The following FHAD1 variants were observed in gnomAD, a reference collection of about 807,000 sequenced individuals.
The protein encoded by FHAD1 is forkhead associated phosphopeptide binding domain 1.
FHAD1 carries 146 observed loss-of-function variants against 191.3 expected under a neutral mutation model. The observed-to-expected ratio is 0.76, with a 90% confidence interval of 0.67 to 0.88. The LOEUF (loss-of-function observed/expected upper bound fraction) is 0.88. FHAD1 is among the 40% of genes least tolerant of loss of function. FHAD1 has a pLI of 0.00. For missense variants in FHAD1, 1,635 were observed against 1,785.8 expected (o/e 0.92, Z 1.52); for synonymous variants, 616 against 672.3 (o/e 0.92, Z 1.29).
intron 16 of FHAD1, among the ~76,000 whole-genome samples, chr1:15,343,493 C>A (rs1168369479): frequency 6.6e-6 from 1 of 152,100 alleles, no homozygotes; most frequent in Non-Finnish European, 1.5e-5. Context: ...CACACACCTG[C>A]CCTCCAGACC....
At chr1:15,257,470 A>C (rs556494400) in intron 2 of FHAD1, among the ~76,000 whole-genome samples, 1 of 152,324 alleles carries the variant, frequency 6.6e-6, no homozygotes, top group South Asian at 2.1e-4. Context: ...CCACCAAAAG[A>C]AGCAGGCCTG....
intron 20 of FHAD1, among the ~76,000 whole-genome samples, chr1:15,354,170 C>T (rs578151655): frequency 2.6e-5 from 4 of 152,254 alleles, no homozygotes; most frequent in African/African-American, 9.6e-5. Flanking sequence ...CATTAGCATG[C>T]ATTTGAATCT....
intron 14 of FHAD1, among the ~76,000 whole-genome samples, chr1:15,335,770 A>C (rs1449250811): frequency 6.6e-6 from 1 of 152,166 alleles, no homozygotes; most frequent in Non-Finnish European, 1.5e-5. Context: ...TCCTTCCCCC[A>C]AAGAGCAAAA....
chr1:15,382,298 G>T, intron 31 of FHAD1, 105 bp downstream of exon 31: 1 of 1,185,928 alleles, frequency 8.4e-7, no homozygotes, highest in South Asian at 1.6e-5. Context: ...CAGAACACAG[G>T]GATGGATGCA....
chr1:15,323,514 G>A (rs1677077323), intron 10 of FHAD1, among the ~76,000 whole-genome samples: 1 of 152,184 alleles, frequency 6.6e-6, no homozygotes, highest in Non-Finnish European at 1.5e-5. Context: ...AAGCTTTACA[G>A]GTTGCTCTGG....
Position 15,247,348 on chromosome 1 carries a change from G to A in FHAD1, c.-62G>A. The A allele has an allele frequency of 4.2e-6, 1 of 236,440 alleles. No individual in the cohort carries two copies. 14.6% of individuals were successfully genotyped at this position (236,440 alleles called of 1,614,324 possible). On this transcript the variant is annotated 5_prime_UTR_variant, in exon 1 of 34. It introduces an in-frame stop codon into an upstream open reading frame of the 5' UTR. Coordinates refer to ENST00000688493, the MANE Select transcript of FHAD1 (RefSeq NM_001391957.1). ...AGCTGGCCCGACGCCTCCCGAGCTG[G>A]CAGGGCTCTCGGCGGAGGTCGGAGC...
chr1:15,305,534 A>G lies in FHAD1; in HGVS notation c.916-3079A>G, dbSNP rs145766246. Among the ~76,000 whole-genome samples, 83 of 152,316 alleles carry G rather than the reference A, an allele frequency of 5.4e-4. No individual in the cohort carries two copies. The East Asian group carries it at 0.015, about 28-fold the overall frequency. ...TCTGAGTCTTGATTTCCTCACTTGC[A>G]AAATGGGAGCTGATGTGGTTTGACT... On this transcript the variant is annotated intron_variant, in intron 6 of 33. Transcript: ENST00000688493.
At chr1:15,317,082 T>C (rs1033310712) in intron 9 of FHAD1, among the ~76,000 whole-genome samples, 3 of 152,106 alleles carry the variant, frequency 2.0e-5, no homozygotes, top group African/African-American at 7.2e-5. Context: ...AGTTGCTTGC[T>C]TGGGAGGCTG....
chr1:15,294,437 A>G (rs1666226516), intron 4 of FHAD1, among the ~76,000 whole-genome samples: 1 of 152,118 alleles, frequency 6.6e-6, no homozygotes, highest in Non-Finnish European at 1.5e-5. Flanking sequence ...TCTGTAACCC[A>G]GGCTGGAGTG....
At chr1:15,302,035 G>A (rs1231188001) in intron 6 of FHAD1, among the ~76,000 whole-genome samples, 1 of 152,090 alleles carries the variant, frequency 6.6e-6, no homozygotes, top group Non-Finnish European at 1.5e-5. Flanking sequence ...AAAGAAAAAA[G>A]TCTAAGACAG....
Position 15,339,527 on chromosome 1 carries a change from T to C in FHAD1, c.1953T>C (p.Leu651=). 1 of 1,288,768 alleles carries C rather than the reference T, an allele frequency of 7.8e-7. No homozygotes were observed. Among genetic ancestry groups the C allele is most frequent in the Non-Finnish European group, 1.0e-6 (1 of 979,954 alleles). 79.8% of individuals were successfully genotyped at this position (1,288,768 alleles called of 1,614,324 possible). ...ATCTTCTGGAACATTATAAAAAACT[T>C]ATGAGCCAGGCCCAGGAACTTCAGG... ...LIYLLEHYKK[L]MSQAQELQIK... is the part of the protein sequence containing the mutation. The change falls in exon 15 of 34, where the codon CTT becomes CTC. Residue 651 remains leucine, a synonymous_variant. Transcript: ENST00000688493.
At chr1:15,309,080 G>C (rs530882784) in intron 7 of FHAD1, among the ~76,000 whole-genome samples, 1 of 152,346 alleles carries the variant, frequency 6.6e-6, no homozygotes, top group South Asian at 2.1e-4. Flanking sequence ...CCAGTTTGCT[G>C]TGAATGCAAA....
At chr1:15,364,883 C>T (rs1455824005) in intron 23 of FHAD1, among the ~76,000 whole-genome samples, 1 of 152,190 alleles carries the variant, frequency 6.6e-6, no homozygotes, top group Non-Finnish European at 1.5e-5. Context: ...CCCTTCACCT[C>T]TCCACTGGGC....
At position 15,302,959 on chromosome 1, in the gene FHAD1, G is replaced by A. The variant is rs114688122; in HGVS notation, c.915+1518G>A. On this transcript the variant is annotated intron_variant, in intron 6 of 33. Coordinates refer to ENST00000688493, the MANE Select transcript of FHAD1 (RefSeq NM_001391957.1). ...ATGGTGAACCTCGAAGAGTCTTTCCGGGACTATAAACTCCACAAGGGCAAG... is the reference window on the plus strand; with the variant it reads ...ATGGTGAACCTCGAAGAGTCTTTCCAGGACTATAAACTCCACAAGGGCAAG... 2.2e-3 allele frequency among the ~76,000 whole-genome samples: 328 copies of A among 152,304 alleles called. 1 individual carries two copies. The highest frequency in any genetic ancestry group is 7.2e-3 in the African/African-American group (300 of 41,578).
At chr1:15,382,001 C>T (rs951534695) in intron 30 of FHAD1, 27 bp from the exon 31 acceptor site, 1 of 1,548,762 alleles carries the variant, frequency 6.5e-7, no homozygotes, top group Non-Finnish European at 8.7e-7. Flanking sequence ...AAGGGAAAAA[C>T]AGACGCCATC....
intron 27 of FHAD1, 87 bp from the exon 28 acceptor site, chr1:15,375,516 A>G: frequency 1.6e-6 from 2 of 1,271,692 alleles, no homozygotes; most frequent in South Asian, 1.6e-5. Context: ...GGCCTGTGTA[A>G]GTGTCCTGTA....
chr1:15,361,475 C>G (rs1694788389), intron 22 of FHAD1, among the ~76,000 whole-genome samples: 1 of 151,996 alleles, frequency 6.6e-6, no homozygotes, highest in Admixed American at 6.6e-5. Flanking sequence ...AGCAAGCTGG[C>G]AAGCCATCAG....
chr1:15,373,805 C>A (rs766992592), intron 26 of FHAD1, among the ~76,000 whole-genome samples: 9 of 152,222 alleles, frequency 5.9e-5, no homozygotes, highest in Non-Finnish European at 1.2e-4. Context: ...GTGATCATGC[C>A]ATTGCATTCC....
chr1:15,342,244 T>C (rs1372668384), intron 16 of FHAD1, among the ~76,000 whole-genome samples: 1 of 152,142 alleles, frequency 6.6e-6, no homozygotes, highest in Non-Finnish European at 1.5e-5. Context: ...AGATGACAAA[T>C]TTCAGTCTTT....
Sources: allele counts gnomAD v4.1 joint callset (sites outside exome capture counted in the v4.1 genomes callset), GRCh38; gene constraint gnomAD v4.1.1; transcripts MANE v1.5; gene names NCBI Gene and HGNC (gene_info 2026-07-23, HGNC 2026-07-21).